The following PALM2AKAP2 variants were observed in gnomAD, a reference collection of about 807,000 sequenced individuals.
PALM2AKAP2 encodes the protein PALM2-AKAP2 fusion protein.
PALM2AKAP2 carries 37 observed loss-of-function variants against 71.5 expected under a neutral mutation model. The ratio of observed to expected loss-of-function variants is 0.52; its 90% CI spans 0.40 to 0.68. The LOEUF (loss-of-function observed/expected upper bound fraction) is 0.68, where lower values mean the gene tolerates loss of function less well. PALM2AKAP2 is among the 30% of genes least tolerant of loss of function. The pLI is 0.00. For synonymous variants in PALM2AKAP2, 468 were observed against 478.8 expected (o/e 0.98, Z 0.29); for missense variants, 1,224 against 1,191.8 (o/e 1.03, Z -0.40).
chr9:109,691,699 G>A (rs541198142), intron 1 of PALM2AKAP2, among the ~76,000 whole-genome samples: 98 of 150,736 alleles, frequency 6.5e-4, no homozygotes, highest in Non-Finnish European at 1.1e-3. Flanking sequence ...TTCGATGTTG[G>A]AAGTAACCTC....
intron 6 of PALM2AKAP2, among the ~76,000 whole-genome samples, chr9:109,980,279 C>T (rs1832246966): frequency 6.6e-6 from 1 of 152,192 alleles, no homozygotes; most frequent in South Asian, 2.1e-4. Flanking sequence ...TTGCTTTCCT[C>T]AGTGAAAGAA....
chr9:109,859,183 T>C (rs1235522341), intron 1 of PALM2AKAP2, among the ~76,000 whole-genome samples: 1 of 152,214 alleles, frequency 6.6e-6, no homozygotes, highest in Non-Finnish European at 1.5e-5. Context: ...GTCTTCTTTT[T>C]CTTTTAAAAA....
chr9:109,789,816 C>T (rs1415872385), intron 1 of PALM2AKAP2, among the ~76,000 whole-genome samples: 1 of 152,034 alleles, frequency 6.6e-6, no homozygotes, highest in Non-Finnish European at 1.5e-5. Context: ...AGCTACAGTG[C>T]CCTTGGTTAA....
intron 1 of PALM2AKAP2, among the ~76,000 whole-genome samples, chr9:109,710,428 C>T (rs1828215098): frequency 6.6e-6 from 1 of 152,152 alleles, no homozygotes. Flanking sequence ...AGCCCAAATC[C>T]ACAGAAAGAA....
chr9:109,785,939 C>T (rs1476198068), intron 1 of PALM2AKAP2, among the ~76,000 whole-genome samples: 1 of 152,186 alleles, frequency 6.6e-6, no homozygotes, highest in African/African-American at 2.4e-5. Context: ...GGAATATGCC[C>T]TTGTTAGGAT....
intron 1 of PALM2AKAP2, among the ~76,000 whole-genome samples, chr9:109,825,501 T>A (rs1383086903): frequency 6.6e-6 from 1 of 152,096 alleles, no homozygotes; most frequent in Non-Finnish European, 1.5e-5. Flanking sequence ...TACAAAGAAC[T>A]CAAACAAATT....
upstream of PALM2AKAP2, chr9:110,048,610 A>C: frequency 7.6e-7 from 1 of 1,309,650 alleles, no homozygotes; most frequent in Non-Finnish European, 9.9e-7. Context: ...CTGGAGGGGA[A>C]GCGAGGAGGC....
intron 3 of PALM2AKAP2, among the ~76,000 whole-genome samples, chr9:109,887,773 A>G (rs1830000164): frequency 1.3e-5 from 2 of 152,182 alleles, no homozygotes; most frequent in African/African-American, 2.4e-5. Context: ...TTTGAACTCA[A>G]CTCTGCCTAA....
intron 1 of PALM2AKAP2, among the ~76,000 whole-genome samples, chr9:109,804,061 C>T (rs78902842): frequency 6.6e-6 from 1 of 152,174 alleles, no homozygotes; most frequent in African/African-American, 2.4e-5. Context: ...ACAGCTGAAT[C>T]GAATGGCCCA....
chr9:109,642,648 C>G (rs992485963), intron 1 of PALM2AKAP2, among the ~76,000 whole-genome samples: 1 of 151,452 alleles, frequency 6.6e-6, no homozygotes, highest in African/African-American at 2.4e-5. Context: ...GTATTGACCT[C>G]CTGGGCTCAA....
intron 3 of PALM2AKAP2, among the ~76,000 whole-genome samples, chr9:109,907,131 C>T (rs1390394251): frequency 6.6e-6 from 1 of 152,160 alleles, no homozygotes; most frequent in East Asian, 1.9e-4. Flanking sequence ...AAATCCTGCC[C>T]TGCCTCCCCA....
intron 1 of PALM2AKAP2, among the ~76,000 whole-genome samples, chr9:109,836,235 C>T (rs1157374661): frequency 6.6e-6 from 1 of 152,218 alleles, no homozygotes; most frequent in African/African-American, 2.4e-5. Context: ...ATTCACTGTT[C>T]TGCAGCCTCG....
intron 1 of PALM2AKAP2, among the ~76,000 whole-genome samples, chr9:109,719,729 G>A (rs1363739938): frequency 6.6e-6 from 1 of 152,126 alleles, no homozygotes; most frequent in Non-Finnish European, 1.5e-5. Context: ...AGGATGCCTA[G>A]ACCTGGGGCA....
intron 1 of PALM2AKAP2, among the ~76,000 whole-genome samples, chr9:110,088,997 G>A (rs1342700443): frequency 6.6e-6 from 1 of 152,050 alleles, no homozygotes; most frequent in African/African-American, 2.4e-5. Flanking sequence ...TGGCATTTCA[G>A]GCATGAGCCA....
chr9:109,715,074 T>C (rs902430668), intron 1 of PALM2AKAP2, among the ~76,000 whole-genome samples: 8 of 149,520 alleles, frequency 5.4e-5, no homozygotes, highest in Non-Finnish European at 1.2e-4. Context: ...TCAGTTGGAC[T>C]CTGAGTTTGT....
intron 1 of PALM2AKAP2, among the ~76,000 whole-genome samples, chr9:110,134,863 G>A (rs963026794): frequency 6.6e-6 from 1 of 151,936 alleles, no homozygotes; most frequent in African/African-American, 2.4e-5. Context: ...GTGTTGTAAG[G>A]TCCTTGATGG....
chr9:109,833,732 C>T (rs1828375208), intron 1 of PALM2AKAP2, among the ~76,000 whole-genome samples: 1 of 152,214 alleles, frequency 6.6e-6, no homozygotes, highest in South Asian at 2.1e-4. Context: ...ACCAGTGGTG[C>T]TCCACAGTCA....
chr9:109,649,146 T>C (rs529876659), intron 1 of PALM2AKAP2, among the ~76,000 whole-genome samples: 1 of 152,256 alleles, frequency 6.6e-6, no homozygotes, highest in East Asian at 1.9e-4. Context: ...CTGTAAGTCA[T>C]TGTGTTGTTG....
intron 1 of PALM2AKAP2, among the ~76,000 whole-genome samples, chr9:109,854,927 C>T (rs1259650948): frequency 3.3e-5 from 5 of 150,616 alleles, no homozygotes; most frequent in South Asian, 2.1e-4. Flanking sequence ...TGTGCCACCA[C>T]GCCTGGCTAA....
Sources: gnomAD v4.1 joint callset for allele counts (sites outside exome capture counted in the v4.1 genomes callset) on GRCh38, gnomAD v4.1.1 for gene constraint, MANE v1.5 for transcripts, NCBI Gene and HGNC (gene_info 2026-07-23, HGNC 2026-07-21) for gene names.